NDUFA11: variants seen among roughly 807,000 people sequenced by gnomAD.
NDUFA11 encodes the protein NADH:ubiquinone oxidoreductase subunit A11, also known as NADH dehydrogenase [ubiquinone] 1 alpha subcomplex subunit 11.
NDUFA11 carries 14 observed loss-of-function variants against 11.3 expected under a neutral mutation model. That is an observed-to-expected ratio of 1.24 (90% CI 0.82 to 1.94). NDUFA11 has a LOEUF of 1.94. Ranked by LOEUF, NDUFA11 falls within the 30% of genes most tolerant of loss-of-function variation. The probability of loss-of-function intolerance (pLI) is 0.00; values close to 1 mark genes in which losing one functional copy is unlikely to be tolerated. For synonymous variants in NDUFA11, 87 were observed against 85.6 expected, an observed-to-expected ratio of 1.02 and a Z score of -0.09; for missense variants, 204 against 200.3, an observed-to-expected ratio of 1.02 and a Z score of -0.11.
chr19:5,893,693 CG>C (rs2057590752), downstream of NDUFA11, among the ~76,000 whole-genome samples: 1 of 152,144 alleles, frequency 6.6e-6, no homozygotes, highest in South Asian at 2.1e-4. This position sits in a 1 kb window ranked among gnomAD's most constrained non-coding sequence, Gnocchi z 4.1. Context: ...TGCTTGGGCC[CG>C]GGAGTTCCAG....
At position 5,896,450 on chromosome 19, in the gene NDUFA11, C is replaced by T. The variant is rs775685917; in HGVS notation, c.313+3G>A. 49 of 1,568,988 alleles carry T rather than the reference C, an allele frequency of 3.1e-5. 1 individual carries two copies. The East Asian group carries it at 1.1e-3, about 35-fold the overall frequency. Reference sequence around the variant, plus strand: ...GGGTGGGGGTGGGGAGGGGGCCACTCACTGCGTGCTCCCAGAGTCAGGCCT... The same window carrying T: ...GGGTGGGGGTGGGGAGGGGGCCACTTACTGCGTGCTCCCAGAGTCAGGCCT... On this transcript the variant is annotated splice_donor_region_variant and intron_variant, in intron 3 of 3. Coordinates refer to ENST00000308961, the MANE Select transcript of NDUFA11 (RefSeq NM_175614.5). The surrounding 1 kb of genome is among the most constrained non-coding windows in gnomAD (Gnocchi z 5.8).
chr19:5,903,563 C>T (rs1453663142), intron 1 of NDUFA11, 49 bp downstream of exon 1: 3 of 1,517,240 alleles, frequency 2.0e-6, no homozygotes, highest in African/African-American at 1.4e-5. Flanking sequence ...AACCCCACGA[C>T]CTCCCTGCGG....
Position 5,896,779 on chromosome 19 carries a change from C to A in NDUFA11, c.190+126G>T. On this transcript the variant is annotated intron_variant, in intron 2 of 3. Coordinates refer to ENST00000308961, the MANE Select transcript of NDUFA11 (RefSeq NM_175614.5). This position sits in a 1 kb window ranked among gnomAD's most constrained non-coding sequence, Gnocchi z 5.8. ...TCCTGATAAAGGAACACCCCACTTT[C>A]TCCGGATGGCCAGCACTGTGGACAC... is the stretch of plus-strand genomic sequence containing the variant. 1 of 1,183,336 alleles carries A rather than the reference C, an allele frequency of 8.5e-7. No individual in the cohort carries two copies. The highest frequency in any genetic ancestry group is 1.3e-6 in the Non-Finnish European group (1 of 794,456). The allele number at this position is 1,183,336 out of a possible 1,614,324, so 73.3% of individuals were successfully genotyped here. A position where few individuals can be genotyped will look rare whatever the true frequency, so the allele number is the denominator to read the frequency against.
chr19:5,903,727 C>A lies in NDUFA11; in HGVS notation c.-19G>T. 5 of 1,550,844 alleles carry A rather than the reference C, an allele frequency of 3.2e-6. No homozygotes were observed. The highest frequency in any genetic ancestry group is 3.5e-6 in the Non-Finnish European group (4 of 1,146,502). ...GCGCCATAGCCCGCAATCTCGATCC[C>A]GCACCACGGACCCCGCCAGCTCGGG... On this transcript the variant is annotated 5_prime_UTR_variant, in exon 1 of 4. Transcript: ENST00000308961.
At chr19:5,892,661 G>C (rs1244444033), downstream of NDUFA11, 3 of 374,114 alleles carry the variant, frequency 8.0e-6, no homozygotes, top group East Asian at 4.1e-5. Context: ...GGGGCTGGGG[G>C]CCTGGGGATG....
intron 3 of NDUFA11, chr19:5,895,055 G>T (rs2057599170): frequency 1.5e-6 from 1 of 650,432 alleles, no homozygotes; most frequent in African/African-American, 1.8e-5. Context: ...CGGAGTCCAG[G>T]TTGCTTCCCA....
Position 5,896,805 on chromosome 19 carries a change from G to T in NDUFA11, c.190+100C>A. On this transcript the variant is annotated intron_variant, in intron 2 of 3. Coordinates refer to ENST00000308961, the MANE Select transcript of NDUFA11 (RefSeq NM_175614.5). This position sits in a 1 kb window ranked among gnomAD's most constrained non-coding sequence, Gnocchi z 5.8. ...TCCGGATGGCCAGCACTGTGGACACGGGCTGGGGAGTCAGAGAGAAGAGGC... is the reference window on the plus strand; with the variant it reads ...TCCGGATGGCCAGCACTGTGGACACTGGCTGGGGAGTCAGAGAGAAGAGGC... 1 of 1,233,256 alleles carries T rather than the reference G, an allele frequency of 8.1e-7. No homozygotes were observed. 76.4% of individuals were successfully genotyped at this position (1,233,256 alleles called of 1,614,324 possible). A position where few individuals can be genotyped will look rare whatever the true frequency, so the allele number is the denominator to read the frequency against.
At chr19:5,900,221 G>T (rs979900462) in intron 1 of NDUFA11, among the ~76,000 whole-genome samples, 4 of 152,108 alleles carry the variant, frequency 2.6e-5, no homozygotes, top group African/African-American at 9.7e-5. Context: ...GGAAACTGCT[G>T]GTTTCCTCTG....
chr19:5,893,271 AAC>A (rs1231551913), downstream of NDUFA11: 3 of 1,313,134 alleles, frequency 2.3e-6, no homozygotes, highest in Non-Finnish European at 3.2e-6. This position sits in a 1 kb window ranked among gnomAD's most constrained non-coding sequence, Gnocchi z 4.1. Flanking sequence ...CAGCCTGCAC[AAC>A]ACAGTGAGAT....
At chr19:5,903,469 CT>C (rs2057658469) in intron 1 of NDUFA11, 142 bp downstream of exon 1, 1 of 770,430 alleles carries the variant, frequency 1.3e-6, no homozygotes, top group Non-Finnish European at 2.1e-6. Flanking sequence ...AGATCCCCCC[CT>C]ACGACCGCCC....
chr19:5,892,817 T>C, downstream of NDUFA11: 1 of 1,357,606 alleles, frequency 7.4e-7, no homozygotes, highest in Non-Finnish European at 9.5e-7. Context: ...GAATCGTCTT[T>C]CTTTGTGGGG....
Position 5,903,728 on chromosome 19 carries a change from G to A in NDUFA11, c.-20C>T. On this transcript the variant is annotated 5_prime_UTR_variant, in exon 1 of 4. Transcript: ENST00000308961. ...CGCCATAGCCCGCAATCTCGATCCC[G>A]CACCACGGACCCCGCCAGCTCGGGA... 1 of 1,550,332 alleles carries A rather than the reference G, an allele frequency of 6.5e-7. No individual in the cohort carries two copies. The highest frequency in any genetic ancestry group is 2.4e-5 in the East Asian group (1 of 40,908).
At position 5,897,120 on chromosome 19, in the gene NDUFA11, T is replaced by C. The variant is rs1020025336; in HGVS notation, c.98-123A>G. ...CGATGCCCCCCTTCTTTGCCCATAG[T>C]GTCCCCGGCTGCTGAGTGGCAGAGC... On this transcript the variant is annotated intron_variant, in intron 1 of 3. Transcript: ENST00000308961. 4 of 790,580 alleles carry C rather than the reference T, an allele frequency of 5.1e-6. No individual in the cohort carries two copies. The African/African-American group carries it at 5.1e-5, about 10-fold the overall frequency. 49.0% of individuals were successfully genotyped at this position (790,580 alleles called of 1,614,324 possible). A position where few individuals can be genotyped will look rare whatever the true frequency, so the allele number is the denominator to read the frequency against.
Position 5,896,911 on chromosome 19 carries a change from T to C in NDUFA11, c.184A>G (p.Thr62Ala), listed in dbSNP as rs777911898. ...GVAKVGQYTF[T>A]AAAVGAVFGL... ...CCCAGCCCAGCGTGCTCACCTGCAG[T>C]GAACGTGTATTGTCCAACCTTAGCC... The change falls in exon 2 of 4, where the codon ACT becomes GCT. Residue 62 changes from threonine (T) to alanine (A), a missense_variant. Transcript: ENST00000308961. The surrounding 1 kb of genome is among the most constrained non-coding windows in gnomAD (Gnocchi z 5.8). 2 of 1,613,520 alleles carry C rather than the reference T, an allele frequency of 1.2e-6. No homozygotes were observed. The highest frequency in any genetic ancestry group is 2.7e-5 in the African/African-American group (2 of 74,904).
chr19:5,903,785 A>G lies in NDUFA11; in HGVS notation c.-77T>C. 6.8e-7 allele frequency: 1 copy of G among 1,463,044 alleles called. No individual in the cohort carries two copies. Among genetic ancestry groups the G allele is most frequent in the Non-Finnish European group, 9.4e-7 (1 of 1,067,438 alleles). The allele number at this position is 1,463,044 out of a possible 1,614,324, so 90.6% of individuals were successfully genotyped here. On this transcript the variant is annotated 5_prime_UTR_variant, in exon 1 of 4. Transcript: ENST00000308961. ...AGGGCAGCCGCGGCTGGCTATCGCG[A>G]GACTTCTCGGGCTGCGCGCGCAACC...
chr19:5,895,458 A>G (rs1183996908), intron 3 of NDUFA11: 1 of 153,520 alleles, frequency 6.5e-6, no homozygotes. Flanking sequence ...CCCACCTGCA[A>G]CCTCTGACCA....
chr19:5,896,992 T>A lies in NDUFA11; in HGVS notation c.103A>T (p.Thr35Ser). 6.2e-7 allele frequency: 1 copy of A among 1,613,808 alleles called. No homozygotes were observed. The highest frequency in any genetic ancestry group is 2.2e-5 in the East Asian group (1 of 44,874). The change falls in exon 2 of 4, where the codon ACC (threonine) becomes TCC (serine). Residue 35 changes from threonine (T) to serine (S), a missense_variant. Thr to Ser is a moderately conservative substitution (Grantham distance 58). Transcript: ENST00000308961. This position sits in a 1 kb window ranked among gnomAD's most constrained non-coding sequence, Gnocchi z 5.8. The part of the protein sequence containing the change: ...TTSIASVAGL[T>S]AAAYRVTLNP... The stretch of plus-strand genomic sequence containing the variant: ...AGTGTGACTCTGTAGGCAGCGGCGG[T>A]CAGGCCTGCGAGACAGAGGAGGGAG...
intron 1 of NDUFA11, among the ~76,000 whole-genome samples, chr19:5,900,215 A>C (rs2057636147): frequency 6.6e-6 from 1 of 152,058 alleles, no homozygotes; most frequent in African/African-American, 2.4e-5. Flanking sequence ...CTGAAGGGAA[A>C]CTGCTGGTTT....
At chr19:5,897,962 A>AC (rs2057621208) in intron 1 of NDUFA11, among the ~76,000 whole-genome samples, 1 of 151,456 alleles carries the variant, frequency 6.6e-6, no homozygotes, top group Admixed American at 6.6e-5. Flanking sequence ...GCAAACAAGC[A>AC]CCCCCCTCTC....
Sources: allele counts gnomAD v4.1 joint callset (sites outside exome capture counted in the v4.1 genomes callset), GRCh38; gene constraint gnomAD v4.1.1; non-coding constraint Gnocchi (gnomAD v3.1); transcripts MANE v1.5; gene names NCBI Gene and HGNC (gene_info 2026-07-23, HGNC 2026-07-21).